The following TRAPPC9 variants were observed in gnomAD, a reference collection of about 807,000 sequenced individuals.
The protein encoded by TRAPPC9 is IKK2 binding protein.
A neutral mutation model predicts 124.0 loss-of-function variants in TRAPPC9; 83 were observed. That is an observed-to-expected ratio of 0.67 (90% confidence interval 0.56 to 0.80). The LOEUF (loss-of-function observed/expected upper bound fraction) is 0.80. Among genes scored for constraint, TRAPPC9 ranks in the 30% least tolerant of loss-of-function variants. The pLI is 0.00. For missense variants in TRAPPC9, 1,302 were observed against 1,508.3 expected (o/e 0.86, Z 2.27); for synonymous variants, 638 against 617.5 (o/e 1.03, Z -0.49).
At chr8:139,863,785 G>A (rs1308550958) in intron 21 of TRAPPC9, among the ~76,000 whole-genome samples, 5 of 152,260 alleles carry the variant, frequency 3.3e-5, no homozygotes, top group African/African-American at 1.2e-4. Flanking sequence ...TGTGTCTGCA[G>A]CCTTGGCTTG....
chr8:139,771,654 C>T (rs1820970246), intron 21 of TRAPPC9, among the ~76,000 whole-genome samples: 1 of 152,222 alleles, frequency 6.6e-6, no homozygotes, highest in African/African-American at 2.4e-5. Context: ...TGGCAGCAGA[C>T]CCCACACGAG....
intron 17 of TRAPPC9, among the ~76,000 whole-genome samples, chr8:140,045,581 C>T (rs532906182): frequency 2.8e-5 from 4 of 140,696 alleles, no homozygotes; most frequent in South Asian, 2.4e-4. Context: ...GACCTGAGAT[C>T]GCGCCACTGC....
chr8:139,835,808 A>C (rs1342348729), intron 21 of TRAPPC9, among the ~76,000 whole-genome samples: 1 of 152,070 alleles, frequency 6.6e-6, no homozygotes, highest in Non-Finnish European at 1.5e-5. Flanking sequence ...AGCCCACAGA[A>C]TCCGTTACAA....
Position 140,138,538 on chromosome 8 carries a change from G to A in TRAPPC9, c.2556+82921C>T, listed in dbSNP as rs115449208. 4.5e-3 allele frequency among the ~76,000 whole-genome samples: 685 copies of A among 152,062 alleles called. 1 individual carries two copies. Among genetic ancestry groups the A allele is most frequent in the African/African-American group, 0.015 (620 of 41,472 alleles). On this transcript the variant is annotated intron_variant, in intron 17 of 22. Transcript: ENST00000438773. ...GTGATGTGCTCTCACTGCATCCCCCGGTCCCTCTATGTGCTTGCTGGAATT... is the reference window on the plus strand; with the variant it reads ...GTGATGTGCTCTCACTGCATCCCCCAGTCCCTCTATGTGCTTGCTGGAATT...
At chr8:139,891,790 G>A (rs990556986) in intron 20 of TRAPPC9, among the ~76,000 whole-genome samples, 2 of 152,226 alleles carry the variant, frequency 1.3e-5, no homozygotes, top group African/African-American at 4.8e-5. Context: ...TCTCCAGGGT[G>A]CGTGCTGCAG....
At chr8:140,280,601 G>C (rs920056703) in intron 14 of TRAPPC9, among the ~76,000 whole-genome samples, 1 of 151,320 alleles carries the variant, frequency 6.6e-6, no homozygotes, top group Non-Finnish European at 1.5e-5. Flanking sequence ...GCTAATTTTT[G>C]TATTTTTTTT....
At chr8:140,190,186 T>C (rs1044207025) in intron 17 of TRAPPC9, among the ~76,000 whole-genome samples, 1 of 152,188 alleles carries the variant, frequency 6.6e-6, no homozygotes, top group Non-Finnish European at 1.5e-5. Flanking sequence ...CCAGGCGCGG[T>C]AGCTCACGTC....
chr8:139,897,519 C>A (rs922176077), intron 20 of TRAPPC9, among the ~76,000 whole-genome samples: 6 of 152,194 alleles, frequency 3.9e-5, no homozygotes, highest in African/African-American at 1.4e-4. Flanking sequence ...GGACAGTACC[C>A]CAGTCACCGC....
At chr8:140,164,785 C>T (rs114347789) in intron 17 of TRAPPC9, among the ~76,000 whole-genome samples, 2,655 of 152,302 alleles carry the variant, frequency 0.017, 80 homozygotes, top group African/African-American at 0.06. Context: ...ATCCACCCCG[C>T]CATGTCCTGC....
chr8:140,265,898 G>A (rs114473163), intron 15 of TRAPPC9, among the ~76,000 whole-genome samples: 1,609 of 152,224 alleles, frequency 0.011, 30 homozygotes, highest in African/African-American at 0.037. Context: ...AAACATTTAT[G>A]AATTTTTAAT....
At chr8:140,447,127 G>A (rs914354288) in intron 2 of TRAPPC9, among the ~76,000 whole-genome samples, 11 of 152,134 alleles carry the variant, frequency 7.2e-5, no homozygotes, top group African/African-American at 2.6e-4. Flanking sequence ...CCCTAAAGCC[G>A]CCTAAATCAA....
intron 16 of TRAPPC9, among the ~76,000 whole-genome samples, chr8:140,245,957 T>C (rs920367535): frequency 6.6e-6 from 1 of 152,236 alleles, no homozygotes; most frequent in South Asian, 2.1e-4. Context: ...TTATCTCCAT[T>C]GTTAGCCCAA....
Position 139,945,543 on chromosome 8 carries a change from CAAAAAAAAAAAAA to C in TRAPPC9, c.2811-35256_2811-35244del, listed in dbSNP as rs61528944. 4.5e-4 allele frequency among the ~76,000 whole-genome samples: 30 copies of C among 66,170 alleles called. No homozygotes were observed. The South Asian group carries it at 7.6e-3, about 17-fold the overall frequency. 43.4% of individuals were successfully genotyped at this position (66,170 alleles called of 152,430 possible). ...TCTCCACAATTGACAGCACAATTAG[CAAAAAAAAAAAAA>C]AAAAAAAAAAAAAAAAACCAACAAA... On this transcript the variant is annotated intron_variant, in intron 19 of 22. Transcript: ENST00000438773.
At chr8:139,966,483 C>T (rs1835714723) in intron 19 of TRAPPC9, among the ~76,000 whole-genome samples, 4 of 152,252 alleles carry the variant, frequency 2.6e-5, no homozygotes, top group African/African-American at 9.6e-5. Context: ...CAGGCCCAAG[C>T]TTGGTCCTTC....
At chr8:140,292,803 G>A (rs949323067) in intron 11 of TRAPPC9, among the ~76,000 whole-genome samples, 9 of 147,638 alleles carry the variant, frequency 6.1e-5, no homozygotes, top group Non-Finnish European at 1.2e-4. Context: ...ACATAGGCAT[G>A]GGCAAGGACT....
At chr8:139,955,775 C>T (rs1228632053) in intron 19 of TRAPPC9, among the ~76,000 whole-genome samples, 1 of 152,204 alleles carries the variant, frequency 6.6e-6, no homozygotes, top group East Asian at 1.9e-4. Context: ...TTCGTGAGGG[C>T]TGTGCTAACA....
At chr8:140,346,359 A>T (rs1355593391) in intron 9 of TRAPPC9, among the ~76,000 whole-genome samples, 1 of 152,122 alleles carries the variant, frequency 6.6e-6, no homozygotes, top group Non-Finnish European at 1.5e-5. Context: ...ATCCACAAAT[A>T]CCTGCAGAAA....
intron 17 of TRAPPC9, among the ~76,000 whole-genome samples, chr8:140,130,841 G>A (rs1382613860): frequency 1.3e-5 from 2 of 152,154 alleles, no homozygotes; most frequent in African/African-American, 4.8e-5. Flanking sequence ...GTATGGGATT[G>A]CGTCAAAATT....
chr8:140,384,780 G>T (rs2068708211), intron 7 of TRAPPC9, among the ~76,000 whole-genome samples: 1 of 152,088 alleles, frequency 6.6e-6, no homozygotes, highest in Non-Finnish European at 1.5e-5. Flanking sequence ...AGTTAACAAG[G>T]ATAACCAGGA....
Sources: gnomAD v4.1 joint callset for allele counts (sites outside exome capture counted in the v4.1 genomes callset) on GRCh38, gnomAD v4.1.1 for gene constraint, MANE v1.5 for transcripts, NCBI Gene and HGNC (gene_info 2026-07-23, HGNC 2026-07-21) for gene names.